The following HDAC9 variants were observed in gnomAD, a reference collection of about 807,000 sequenced individuals.
HDAC9 encodes MEF-2 interacting transcription repressor (MITR) protein.
In HDAC9, 41 loss-of-function variants were observed where a neutral mutation model predicts 139.4. The observed-to-expected ratio is 0.29, with a 90% CI of 0.23 to 0.38. HDAC9 has a LOEUF of 0.38. Among genes scored for constraint, HDAC9 ranks in the 10% least tolerant of loss-of-function variants. The pLI is 1.00. For synonymous variants in HDAC9, 517 were observed against 476.2 expected, an observed-to-expected ratio of 1.09 and a Z score of -1.12; for missense variants, 1,147 against 1,297.0, an observed-to-expected ratio of 0.88 and a Z score of 1.78.
At chr7:18,983,061 T>G (rs1019627423) in intron 25 of HDAC9, among the ~76,000 whole-genome samples, 3 of 152,212 alleles carry the variant, frequency 2.0e-5, no homozygotes, top group Admixed American at 1.3e-4. Context: ...AACTTGATCT[T>G]GCAAAATGGA....
At chr7:18,479,182 C>A (rs552473015) in intron 1 of HDAC9, among the ~76,000 whole-genome samples, 6 of 152,110 alleles carry the variant, frequency 3.9e-5, no homozygotes, top group South Asian at 4.2e-4. Flanking sequence ...TAAATCAATT[C>A]TTTACCTGAG....
intron 23 of HDAC9, among the ~76,000 whole-genome samples, chr7:18,936,274 A>G (rs539989955): frequency 5.4e-5 from 8 of 148,184 alleles, no homozygotes; most frequent in Non-Finnish European, 8.9e-5. Flanking sequence ...TTGTAGGGTT[A>G]TGTTATTTCT....
intron 14 of HDAC9, among the ~76,000 whole-genome samples, chr7:18,759,648 A>G (rs1283878613): frequency 6.6e-6 from 1 of 152,194 alleles, no homozygotes; most frequent in African/African-American, 2.4e-5. Context: ...TCCTGAAGCC[A>G]TCTCCTCCAC....
At chr7:18,728,751 A>G (rs1335440569) in intron 13 of HDAC9, among the ~76,000 whole-genome samples, 1 of 152,064 alleles carries the variant, frequency 6.6e-6, no homozygotes. Flanking sequence ...AGTTAAATCT[A>G]TTTTCTAAAA....
intron 1 of HDAC9, among the ~76,000 whole-genome samples, chr7:18,462,102 G>A (rs994746012): frequency 6.9e-6 from 1 of 144,154 alleles, no homozygotes; most frequent in African/African-American, 2.9e-5. Flanking sequence ...TACAACTTCT[G>A]GTCTTAACAT....
chr7:18,186,440 G>A (rs1458389239), intron 2 of HDAC9, among the ~76,000 whole-genome samples: 1 of 152,222 alleles, frequency 6.6e-6, no homozygotes, highest in African/African-American at 2.4e-5. Context: ...GGTGCTTTCT[G>A]GTGCTGGTTG....
intron 1 of HDAC9, among the ~76,000 whole-genome samples, chr7:18,160,229 T>C (rs1468985678): frequency 6.6e-6 from 1 of 152,214 alleles, no homozygotes; most frequent in African/African-American, 2.4e-5. Context: ...TCACTTACAT[T>C]CTCTAAAGGT....
At chr7:18,281,357 T>C (rs1312432067) in intron 2 of HDAC9, among the ~76,000 whole-genome samples, 1 of 152,212 alleles carries the variant, frequency 6.6e-6, no homozygotes, top group Non-Finnish European at 1.5e-5. Flanking sequence ...TTGCAGCCAG[T>C]CTTCCTGTTC....
upstream of HDAC9, chr7:18,289,968 G>A (rs933244822): frequency 1.3e-5 from 2 of 152,624 alleles, no homozygotes; most frequent in Non-Finnish European, 2.9e-5. Flanking sequence ...AGTTGTGGAA[G>A]TTTCTATATC....
chr7:18,398,014 C>T lies in HDAC9; in HGVS notation c.-41-98248C>T, dbSNP rs545267209. On this transcript the variant is annotated intron_variant, in intron 1 of 3. Coordinates refer to the HDAC9 transcript ENST00000413509. Reference sequence around the variant, plus strand: ...ATCTTACAGATGAGGGATCTGAAACCCACTGAGGTTCGGAGATTTGTCCAA... The same window carrying T: ...ATCTTACAGATGAGGGATCTGAAACTCACTGAGGTTCGGAGATTTGTCCAA... 3.3e-5 allele frequency among the ~76,000 whole-genome samples: 5 copies of T among 152,226 alleles called. No homozygotes were observed. The South Asian group carries it at 1.0e-3, about 32-fold the overall frequency.
intron 22 of HDAC9, among the ~76,000 whole-genome samples, chr7:18,878,685 C>T (rs1041541866): frequency 1.3e-5 from 2 of 152,092 alleles, no homozygotes; most frequent in Admixed American, 6.6e-5. Context: ...CCATCTATGC[C>T]AAACCCACAG....
intron 2 of HDAC9, among the ~76,000 whole-genome samples, chr7:18,559,802 A>T (rs993841072): frequency 1.3e-5 from 2 of 152,214 alleles, no homozygotes; most frequent in Non-Finnish European, 2.9e-5. Flanking sequence ...GGTCTCTGAG[A>T]TACTTTTTAA....
intron 2 of HDAC9, among the ~76,000 whole-genome samples, chr7:18,521,003 T>G (rs1804850642): frequency 6.6e-6 from 1 of 152,224 alleles, no homozygotes; most frequent in South Asian, 2.1e-4. Context: ...GCAGTCCTCC[T>G]CTAACAGGCG....
intron 13 of HDAC9, among the ~76,000 whole-genome samples, chr7:18,740,957 C>G (rs990569924): frequency 1.3e-5 from 2 of 152,170 alleles, no homozygotes; most frequent in Non-Finnish European, 2.9e-5. Context: ...GAGCAAGTCC[C>G]TAACTCTTCA....
At chr7:18,914,645 A>G (rs1192106286) in intron 22 of HDAC9, among the ~76,000 whole-genome samples, 2 of 152,064 alleles carry the variant, frequency 1.3e-5, no homozygotes, top group Non-Finnish European at 2.9e-5. Context: ...GCAAGTCAGT[A>G]TGAGCTGGCT....
At chr7:18,142,577 G>A (rs28633551) in intron 1 of HDAC9, among the ~76,000 whole-genome samples, 1,842 of 152,296 alleles carry the variant, frequency 0.012, 26 homozygotes, top group African/African-American at 0.042. Flanking sequence ...GGGAATTAGA[G>A]TTTTGTTAAT....
chr7:18,946,124 A>T (rs953534091), intron 23 of HDAC9, among the ~76,000 whole-genome samples: 2 of 147,956 alleles, frequency 1.4e-5, no homozygotes, highest in Admixed American at 6.9e-5. Context: ...CCATGTATAC[A>T]TGGAGAGTCT....
chr7:18,627,956 C>T (rs536890604), intron 6 of HDAC9, among the ~76,000 whole-genome samples: 6 of 152,134 alleles, frequency 3.9e-5, no homozygotes, highest in Middle Eastern at 3.4e-3. Context: ...AGTTCTCCAT[C>T]GAAGCTTAAA....
At chr7:18,102,869 A>C (rs1402442913) in intron 1 of HDAC9, among the ~76,000 whole-genome samples, 1 of 152,228 alleles carries the variant, frequency 6.6e-6, no homozygotes, top group Admixed American at 6.5e-5. Flanking sequence ...TGTGGGAATA[A>C]TGGTTGCCTA....
Sources: gnomAD v4.1 joint callset for allele counts (sites outside exome capture counted in the v4.1 genomes callset) on GRCh38, gnomAD v4.1.1 for gene constraint, MANE v1.5 for transcripts, NCBI Gene and HGNC (gene_info 2026-07-23, HGNC 2026-07-21) for gene names.